The following LPIN2 variants were observed in gnomAD, a reference collection of about 807,000 sequenced individuals.
The protein encoded by LPIN2 is lipin 2.
A neutral mutation model predicts 111.4 loss-of-function variants in LPIN2; 55 were observed. That is an observed-to-expected ratio of 0.49 (90% CI 0.40 to 0.62). The LOEUF (loss-of-function observed/expected upper bound fraction) is 0.62, where lower values mean the gene tolerates loss of function less well. LPIN2 is among the 20% of genes least tolerant of loss of function. The probability of loss-of-function intolerance (pLI) is 0.00; values close to 1 mark genes in which losing one functional copy is unlikely to be tolerated. For synonymous variants in LPIN2, 425 were observed against 414.0 expected, an observed-to-expected ratio of 1.03 and a Z score of -0.32; for missense variants, 992 against 1,112.1, an observed-to-expected ratio of 0.89 and a Z score of 1.54.
chr18:3,004,019 T>C (rs2078473644), intron 1 of LPIN2, among the ~76,000 whole-genome samples: 1 of 151,792 alleles, frequency 6.6e-6, no homozygotes, highest in Non-Finnish European at 1.5e-5. Context: ...TCTTATGCAG[T>C]TGAGATAAGG....
intron 1 of LPIN2, among the ~76,000 whole-genome samples, chr18:2,966,536 G>T (rs755692469): frequency 6.6e-6 from 1 of 152,200 alleles, no homozygotes; most frequent in Non-Finnish European, 1.5e-5. Flanking sequence ...TCAAGTATGA[G>T]CCTAGAACCT....
intron 6 of LPIN2, among the ~76,000 whole-genome samples, chr18:2,938,509 G>GC (rs1444069167): frequency 6.6e-6 from 1 of 152,090 alleles, no homozygotes; most frequent in African/African-American, 2.4e-5. Context: ...AGGTGACAGA[G>GC]CAAGACTTTA....
chr18:2,944,316 T>G (rs1229457851), intron 4 of LPIN2, among the ~76,000 whole-genome samples: 2 of 143,920 alleles, frequency 1.4e-5, no homozygotes, highest in Admixed American at 6.9e-5. Flanking sequence ...TCTGATATCC[T>G]AATGTATTTC....
intron 1 of LPIN2, among the ~76,000 whole-genome samples, chr18:2,965,202 C>T (rs932256534): frequency 1.1e-4 from 17 of 152,094 alleles, no homozygotes; most frequent in African/African-American, 3.6e-4. Context: ...GACCAAATGG[C>T]CCTTCGCATA....
chr18:2,958,487 T>C, intron 2 of LPIN2, among the ~76,000 whole-genome samples: 1 of 152,130 alleles, frequency 6.6e-6, no homozygotes. Context: ...CCAAACTGAC[T>C]TAAAATAAGA....
intron 16 of LPIN2, among the ~76,000 whole-genome samples, chr18:2,923,296 G>A (rs918280377): frequency 7.9e-5 from 12 of 151,388 alleles, no homozygotes; most frequent in East Asian, 1.9e-4. Flanking sequence ...GGCATGTGCC[G>A]GTAATCCCAG....
chr18:2,996,637 C>T (rs894686019), intron 1 of LPIN2, among the ~76,000 whole-genome samples: 7 of 151,714 alleles, frequency 4.6e-5, no homozygotes, highest in African/African-American at 1.7e-4. Flanking sequence ...ACCATCACGC[C>T]TGGCTAATTT....
intron 1 of LPIN2, among the ~76,000 whole-genome samples, chr18:2,964,824 A>G (rs916822096): frequency 6.6e-6 from 1 of 152,260 alleles, no homozygotes; most frequent in Non-Finnish European, 1.5e-5. Flanking sequence ...ACTGAATATT[A>G]CCACGCTCTT....
At position 2,938,515 on chromosome 18, in the gene LPIN2, C is replaced by A. The variant is rs549925385; in HGVS notation, c.823-478G>T. ...TTCCAGCCTAGGTGACAGAGCAAGA[C>A]TTTATCTCAAAAAAAAAGGTGTACG... On this transcript the variant is annotated intron_variant, in intron 6 of 19. Coordinates refer to ENST00000677752, the MANE Select transcript of LPIN2 (RefSeq NM_001375808.2). Among the ~76,000 whole-genome samples, 4 of 151,878 alleles carry A rather than the reference C, an allele frequency of 2.6e-5. No individual in the cohort carries two copies. In the East Asian group the frequency reaches 7.7e-4, roughly 29 times the overall value.
intron 7 of LPIN2, 34 bp downstream of exon 7, chr18:2,937,658 A>G: frequency 6.5e-7 from 1 of 1,545,234 alleles, no homozygotes; most frequent in Non-Finnish European, 8.9e-7. Flanking sequence ...ATCTAATTTG[A>G]GAGTACCTGG....
intron 1 of LPIN2, among the ~76,000 whole-genome samples, chr18:3,007,603 A>G (rs971345936): frequency 6.6e-6 from 1 of 152,212 alleles, no homozygotes; most frequent in Non-Finnish European, 1.5e-5. Flanking sequence ...GATATATTAT[A>G]TCCCCTATAA....
At chr18:2,963,382 A>G (rs1285884514) in intron 1 of LPIN2, among the ~76,000 whole-genome samples, 5 of 150,326 alleles carry the variant, frequency 3.3e-5, no homozygotes, top group South Asian at 2.1e-4. Context: ...TAGCTACACA[A>G]TAAGAACCAA....
At chr18:2,947,024 G>A (rs916804788) in intron 4 of LPIN2, 1 of 177,250 alleles carries the variant, frequency 5.6e-6, no homozygotes, top group Non-Finnish European at 1.2e-5. Flanking sequence ...AGAACATGGA[G>A]GGTTCTCTAG....
intron 3 of LPIN2, among the ~76,000 whole-genome samples, chr18:2,951,825 G>C (rs1330985990): frequency 6.6e-6 from 1 of 152,232 alleles, no homozygotes; most frequent in African/African-American, 2.4e-5. Context: ...ACGCGAGGAT[G>C]CAGTGATACA....
chr18:2,936,512 T>C (rs911139649), intron 7 of LPIN2, among the ~76,000 whole-genome samples: 8 of 152,334 alleles, frequency 5.3e-5, no homozygotes, highest in Non-Finnish European at 5.9e-5. Context: ...AGTGGTGCAA[T>C]CACAGCTCAC....
At chr18:2,929,191 A>G in intron 9 of LPIN2, 33 bp from the exon 10 acceptor site, 2 of 1,283,758 alleles carry the variant, frequency 1.6e-6, no homozygotes, top group Non-Finnish European at 2.3e-6. Flanking sequence ...ATTTGGTTAG[A>G]GATTACATAA....
intron 1 of LPIN2, among the ~76,000 whole-genome samples, chr18:2,970,858 G>C (rs2077896237): frequency 6.6e-6 from 1 of 152,122 alleles, no homozygotes; most frequent in South Asian, 2.1e-4. Context: ...TATTTCCTTT[G>C]AGGGAATCTG....
rs149691692 is a variant in LPIN2 at position 2,955,426 on chromosome 18, TG to T, written c.193-828del. On this transcript the variant is annotated intron_variant, in intron 2 of 19. Transcript: ENST00000677752. ...AGGTGCCACACACTTTTAAAACAAT[TG>T]GATCTTGTCAACTCAGCAAAAACTC... Among the ~76,000 whole-genome samples the T allele has an allele frequency of 2.4e-3, 367 of 151,952 alleles. 1 individual carries two copies. Among genetic ancestry groups the T allele is most frequent in the African/African-American group, 8.4e-3 (350 of 41,440 alleles).
chr18:2,962,414 T>C lies in LPIN2; in HGVS notation c.-9-1565A>G, dbSNP rs371573248. ...AATCTGGTGATGGTTTTGGAATAATTGATTTGACCTCAATAGCTAAACCAA... is the reference window on the plus strand; with the variant it reads ...AATCTGGTGATGGTTTTGGAATAATCGATTTGACCTCAATAGCTAAACCAA... On this transcript the variant is annotated intron_variant, in intron 1 of 19. Coordinates refer to ENST00000677752, the MANE Select transcript of LPIN2 (RefSeq NM_001375808.2). Among the ~76,000 whole-genome samples, 76 of 152,314 alleles carry C rather than the reference T, an allele frequency of 5.0e-4. 2 individuals are homozygous for C. In the South Asian group the frequency reaches 0.013, roughly 26 times the overall value.
Sources: allele counts gnomAD v4.1 joint callset (sites outside exome capture counted in the v4.1 genomes callset), GRCh38; gene constraint gnomAD v4.1.1; transcripts MANE v1.5; gene names NCBI Gene and HGNC (gene_info 2026-07-23, HGNC 2026-07-21).